CERS3: variants seen among roughly 807,000 people sequenced by gnomAD.
The protein encoded by CERS3 is LAG1 homolog, ceramide synthase 3.
In CERS3, 33 loss-of-function variants were observed where a neutral mutation model predicts 50.3. The observed-to-expected ratio is 0.66, with a 90% CI of 0.50 to 0.88. The LOEUF is 0.88. Among genes scored for constraint, CERS3 ranks in the 40% least tolerant of loss-of-function variants. CERS3 has a pLI of 0.00. For synonymous variants in CERS3, 176 were observed against 155.2 expected (o/e 1.13, Z -0.99); for missense variants, 470 against 460.3 (o/e 1.02, Z -0.19).
At chr15:100,430,689 C>T (rs1304639413) in intron 11 of CERS3, among the ~76,000 whole-genome samples, 1 of 151,830 alleles carries the variant, frequency 6.6e-6, no homozygotes, top group African/African-American at 2.4e-5. Context: ...GTTTTGAAAG[C>T]AAATTTTTAG....
At chr15:100,527,180 C>A (rs990173367) in intron 1 of CERS3, among the ~76,000 whole-genome samples, 2 of 152,066 alleles carry the variant, frequency 1.3e-5, no homozygotes, top group Non-Finnish European at 2.9e-5. Flanking sequence ...GCCTATACTC[C>A]CAGCTACTTG....
intron 2 of CERS3, among the ~76,000 whole-genome samples, chr15:100,521,124 A>G (rs1352845656): frequency 6.6e-6 from 1 of 152,158 alleles, no homozygotes; most frequent in Non-Finnish European, 1.5e-5. Context: ...TTAGGCATTA[A>G]CGGTAAAAGT....
In CERS3 at chr15:100,433,831, C is replaced by T. The variant is rs550965411; in HGVS notation, c.999+22062G>A. 3.3e-5 allele frequency among the ~76,000 whole-genome samples: 5 copies of T among 152,382 alleles called. No homozygotes were observed. The South Asian group carries it at 6.2e-4, about 19-fold the overall frequency. On this transcript the variant is annotated intron_variant, in intron 11 of 11. Transcript: ENST00000679737. ...GTGGGCAAAGCTTGCCTCAGGCTTT[C>T]GCCACAGCCTTGCTGACTTAGATCT...
At chr15:100,419,642 C>G (rs1258230192) in intron 11 of CERS3, among the ~76,000 whole-genome samples, 1 of 150,982 alleles carries the variant, frequency 6.6e-6, no homozygotes, top group East Asian at 2.0e-4. Flanking sequence ...TTTTTCAGCA[C>G]CACACCACAC....
intron 11 of CERS3, among the ~76,000 whole-genome samples, chr15:100,421,722 G>C (rs1021621140): frequency 1.7e-4 from 25 of 147,038 alleles, no homozygotes; most frequent in Non-Finnish European, 3.4e-4. Context: ...CATGGTACTG[G>C]TACCAAAACA....
chr15:100,451,462 G>C (rs1431960062), intron 11 of CERS3, among the ~76,000 whole-genome samples: 3 of 152,148 alleles, frequency 2.0e-5, no homozygotes, highest in South Asian at 2.1e-4. Context: ...CCAGCACTTT[G>C]GGAGGCCAAG....
intron 1 of CERS3, among the ~76,000 whole-genome samples, chr15:100,540,475 C>A (rs185433839): frequency 3.9e-5 from 6 of 152,280 alleles, no homozygotes; most frequent in African/African-American, 1.4e-4. Context: ...ACCTAGGAGG[C>A]AGAGGTTGCA....
chr15:100,498,081 A>G (rs1050069331), intron 3 of CERS3, among the ~76,000 whole-genome samples: 1 of 152,064 alleles, frequency 6.6e-6, no homozygotes, highest in African/African-American at 2.4e-5. Context: ...TTTTTAGTAC[A>G]GACGGGGTTT....
rs550812535 is a variant in CERS3 at position 100,498,512 on chromosome 15, A to G, written c.173+3165T>C. On this transcript the variant is annotated intron_variant, in intron 3 of 11. Transcript: ENST00000679737. Reference sequence around the variant, plus strand: ...AATAGAAAAAAAAAGTCTGAGAGGAAGAAAAAAGAATGAACATCTGCTCCC... The same window carrying G: ...AATAGAAAAAAAAAGTCTGAGAGGAGGAAAAAAGAATGAACATCTGCTCCC... Among the ~76,000 whole-genome samples, 173 of 152,304 alleles carry G rather than the reference A, an allele frequency of 1.1e-3. 1 individual carries two copies. In the Middle Eastern group the frequency reaches 0.014, roughly 12 times the overall value.
Position 100,476,194 on chromosome 15 carries a change from G to C in CERS3, c.517-16C>G. Reference sequence around the variant, plus strand: ...GCAGCAGGGGCTGAGGAAAAGAAGAGTATTCATTACTTTAAATGCCATCAT... The same window carrying C: ...GCAGCAGGGGCTGAGGAAAAGAAGACTATTCATTACTTTAAATGCCATCAT... On this transcript the variant is annotated splice_polypyrimidine_tract_variant and intron_variant, in intron 7 of 11. Coordinates refer to ENST00000679737, the MANE Select transcript of CERS3 (RefSeq NM_001378789.1). The C allele has an allele frequency of 6.6e-7, 1 of 1,516,554 alleles. No homozygotes were observed. The highest frequency in any genetic ancestry group is 8.9e-7 in the Non-Finnish European group (1 of 1,127,830). The allele number at this position is 1,516,554 out of a possible 1,614,324, so 93.9% of individuals were successfully genotyped here.
intron 9 of CERS3, 96 bp downstream of exon 9, chr15:100,472,828 C>T: frequency 1.4e-6 from 2 of 1,459,570 alleles, no homozygotes; most frequent in Admixed American, 1.7e-5. Context: ...TTTCAGGACA[C>T]AGAGCTCTGC....
intron 2 of CERS3, among the ~76,000 whole-genome samples, chr15:100,516,388 C>T (rs2036489309): frequency 6.6e-6 from 1 of 152,144 alleles, no homozygotes; most frequent in Non-Finnish European, 1.5e-5. Context: ...TGATCTCAGG[C>T]AACTCAATAT....
chr15:100,513,351 C>T (rs2142365042), intron 2 of CERS3, among the ~76,000 whole-genome samples: 1 of 152,236 alleles, frequency 6.6e-6, no homozygotes, highest in Admixed American at 6.5e-5. Flanking sequence ...CTGGAGGCAG[C>T]TCCCTGTCTT....
chr15:100,544,363 G>A (rs534881082), intron 1 of CERS3: 135 of 140,644 alleles, frequency 9.6e-4, no homozygotes, highest in African/African-American at 3.2e-3. Flanking sequence ...TGACCTGCGC[G>A]GGGACACGGG....
chr15:100,456,080 C>G lies in CERS3; in HGVS notation c.846-34G>C, dbSNP rs1047254014. On this transcript the variant is annotated intron_variant, in intron 10 of 11. Coordinates refer to ENST00000679737, the MANE Select transcript of CERS3 (RefSeq NM_001378789.1). ...CCAAACAGTTGAGAGAATTTCATTA[C>G]AACCAAAGCACCTATGAATTTTCAA... The G allele has an allele frequency of 3.9e-6, 6 of 1,541,652 alleles. No individual in the cohort carries two copies. The South Asian group carries it at 6.1e-5, about 16-fold the overall frequency.
In CERS3 at chr15:100,514,881, T is replaced by C. The variant is rs186471692; in HGVS notation, c.-2+6786A>G. On this transcript the variant is annotated intron_variant, in intron 2 of 11. Transcript: ENST00000679737. ...ACTTTTAAAATATTGTTATCACTGATTCAACATTAGGAAAACTTATCACTC... is the reference window on the plus strand; with the variant it reads ...ACTTTTAAAATATTGTTATCACTGACTCAACATTAGGAAAACTTATCACTC... Among the ~76,000 whole-genome samples the C allele has an allele frequency of 2.1e-4, 32 of 152,338 alleles. 1 individual carries two copies. In the East Asian group the frequency reaches 4.6e-3, roughly 22 times the overall value.
intron 9 of CERS3, among the ~76,000 whole-genome samples, chr15:100,471,826 G>T (rs1479136022): frequency 6.6e-6 from 1 of 152,190 alleles, no homozygotes; most frequent in Non-Finnish European, 1.5e-5. Flanking sequence ...GTGGCCAGTT[G>T]CTTTGAAATG....
chr15:100,418,283 T>C (rs1197165737), intron 11 of CERS3, among the ~76,000 whole-genome samples: 3 of 151,818 alleles, frequency 2.0e-5, no homozygotes, highest in African/African-American at 7.3e-5. Context: ...ACGTGAAGAA[T>C]GCAGAAGCCT....
In CERS3 at chr15:100,473,051, T is replaced by C. The variant is rs760185474; in HGVS notation, c.611A>G (p.Asp204Gly). 1.7e-5 allele frequency: 27 copies of C among 1,611,256 alleles called. No individual in the cohort carries two copies. Among genetic ancestry groups the C allele is most frequent in the Non-Finnish European group, 2.3e-5 (27 of 1,179,100 alleles). The change falls in exon 9 of 12, where the codon GAT becomes GGT. Residue 204 changes from aspartate (D) to glycine (G), a missense_variant and splice_region_variant. By Grantham distance (94) the Asp-to-Gly change is moderately conservative (BLOSUM62 -1). Coordinates refer to ENST00000679737, the MANE Select transcript of CERS3 (RefSeq NM_001378789.1). ...GTGGTGGATGATATGAGCTAGAAAA[T>C]CCTGTAAGATGAGGGAAAATGGAAG... is the stretch of plus-strand genomic sequence containing the variant. ...FRLGFDVKRK[D>G]FLAHIIHHLA...
Sources: gnomAD v4.1 joint callset for allele counts (sites outside exome capture counted in the v4.1 genomes callset) on GRCh38, gnomAD v4.1.1 for gene constraint, MANE v1.5 for transcripts, NCBI Gene and HGNC (gene_info 2026-07-23, HGNC 2026-07-21) for gene names.